BCL2L13: variants seen among roughly 807,000 people sequenced by gnomAD.
The protein encoded by BCL2L13 is BCL2 like 13.
In BCL2L13, 13 loss-of-function variants were observed where a neutral mutation model predicts 25.8. That is an observed-to-expected ratio of 0.50 (90% confidence interval 0.33 to 0.80). The LOEUF is 0.80. Ranked by LOEUF, BCL2L13 falls within the 30% of genes least tolerant of loss-of-function variation. The pLI, the probability that BCL2L13 is intolerant of heterozygous loss-of-function variation, is 0.02. For synonymous variants in BCL2L13, 244 were observed against 230.3 expected (o/e 1.06, Z -0.54); for missense variants, 504 against 574.9 (o/e 0.88, Z 1.26).
rs2059047690 is a variant in BCL2L13 at position 17,660,988 on chromosome 22, A to C, written c.121+5156A>C. On this transcript the variant is annotated intron_variant, in intron 2 of 6. Coordinates refer to ENST00000317582, the MANE Select transcript of BCL2L13 (RefSeq NM_015367.4). ...GAGACGGGGCTTCACCATGTTGCCC[A>C]GGCTGGTCTTGAACTCCTGAGCTCA... is the stretch of plus-strand genomic sequence containing the variant. Among the ~76,000 whole-genome samples the C allele has an allele frequency of 1.4e-5, 2 of 144,706 alleles. 1 individual carries two copies. 94.9% of individuals were successfully genotyped at this position (144,706 alleles called of 152,430 possible).
At chr22:17,696,324 CAAATCTA>C in intron 5 of BCL2L13, 114 bp downstream of exon 5, 1 of 877,348 alleles carries the variant, frequency 1.1e-6, no homozygotes, top group Non-Finnish European at 1.8e-6. Context: ...CTTTAATGCA[CAAATCTA>C]TGTTAAGGGG....
chr22:17,700,923 C>T (rs958528915), intron 5 of BCL2L13, among the ~76,000 whole-genome samples: 1 of 152,162 alleles, frequency 6.6e-6, no homozygotes, highest in African/African-American at 2.4e-5. Flanking sequence ...TGTCCTCCTG[C>T]AGAAGTATTT....
chr22:17,641,804 T>G (rs927858306), intron 1 of BCL2L13, among the ~76,000 whole-genome samples: 109 of 150,764 alleles, frequency 7.2e-4, no homozygotes, highest in Admixed American at 5.3e-4. Flanking sequence ...ATGTGTTTTT[T>G]TTTTTTTTTT....
At chr22:17,693,406 G>GTC (rs1306185335) in intron 4 of BCL2L13, among the ~76,000 whole-genome samples, 5 of 122,598 alleles carry the variant, frequency 4.1e-5, no homozygotes, top group African/African-American at 1.3e-4. Context: ...TGGAGACGGA[G>GTC]TCTCGCTCTG....
At chr22:17,654,869 G>T (rs1291720001) in intron 1 of BCL2L13, among the ~76,000 whole-genome samples, 1 of 151,824 alleles carries the variant, frequency 6.6e-6, no homozygotes. Flanking sequence ...CCATAGGCAG[G>T]CCCTACCACG....
rs2059810551 is a variant in BCL2L13 at position 17,683,287 on chromosome 22, A to C, written c.195A>C (p.Glu65Asp). 10 of 1,590,508 alleles carry C rather than the reference A, an allele frequency of 6.3e-6. No homozygotes were observed. Among genetic ancestry groups the C allele is most frequent in the Non-Finnish European group, 8.6e-6 (10 of 1,164,264 alleles). Reference protein sequence around the residue: ...ILLKVKTEIEEELKSLDKEIS... With the variant: ...ILLKVKTEIEDELKSLDKEIS... ...TAAAAGTTAAAACTGAAATTGAAGA[A>C]GAGCTAAAATCTCTGGACAAAGAAA... is the stretch of plus-strand genomic sequence containing the variant. The change falls in exon 3 of 7, where the codon GAA becomes GAC. Residue 65 changes from glutamate to aspartate, a missense_variant. Coordinates refer to ENST00000317582, the MANE Select transcript of BCL2L13 (RefSeq NM_015367.4).
intron 3 of BCL2L13, chr22:17,684,821 C>T (rs1012992022): frequency 5.9e-6 from 2 of 338,844 alleles, no homozygotes; most frequent in Non-Finnish European, 1.2e-5. Flanking sequence ...CAAGCTCCGC[C>T]TCCTGGGTTC....
In BCL2L13 at chr22:17,648,657, A is replaced by T. The variant is rs140892326; in HGVS notation, c.-50-7005A>T. The stretch of plus-strand genomic sequence containing the variant: ...GAAAACTGTATACTAGATTTAAATG[A>T]ATAAATATAATCCTTCACCAAATAT... On this transcript the variant is annotated intron_variant, in intron 1 of 6. Transcript: ENST00000317582. Among the ~76,000 whole-genome samples the T allele has an allele frequency of 2.8e-3, 432 of 152,310 alleles. 7 individuals are homozygous for T. The East Asian group carries it at 0.051, about 18-fold the overall frequency.
chr22:17,721,629 A>G (rs922537976), intron 6 of BCL2L13, among the ~76,000 whole-genome samples: 1 of 151,090 alleles, frequency 6.6e-6, no homozygotes, highest in Non-Finnish European at 1.5e-5. Context: ...GGTTCAAGCA[A>G]TTCTCCTGCC....
At chr22:17,688,885 AGCCT>A in intron 3 of BCL2L13, 97 bp from the exon 4 acceptor site, 2 of 1,182,866 alleles carry the variant, frequency 1.7e-6, no homozygotes, top group Admixed American at 5.3e-5. Flanking sequence ...CTCCTGCCTC[AGCCT>A]CCTGAGTAGC....
At chr22:17,636,901 AAAAT>A (rs2058117084), upstream of BCL2L13, among the ~76,000 whole-genome samples, 2 of 152,266 alleles carry the variant, frequency 1.3e-5, no homozygotes, top group Admixed American at 6.5e-5. Flanking sequence ...AGTACCTCCC[AAAAT>A]AAATTATTGC....
Position 17,696,139 on chromosome 22 carries a change from A to G in BCL2L13, c.387-2A>G. 6.2e-7 allele frequency: 1 copy of G among 1,612,780 alleles called. No individual in the cohort carries two copies. Among genetic ancestry groups the G allele is most frequent in the Non-Finnish European group, 8.5e-7 (1 of 1,178,830 alleles). On this transcript the variant is annotated splice_acceptor_variant, in intron 4 of 6. Coordinates refer to ENST00000317582, the MANE Select transcript of BCL2L13 (RefSeq NM_015367.4). LOFTEE classifies it high-confidence loss of function. Reference sequence around the variant, plus strand: ...CACAGACTTTTAAAAAAATCTCTACAGGCCAGTGACATATCAGGCATTTCG... The same window carrying G: ...CACAGACTTTTAAAAAAATCTCTACGGGCCAGTGACATATCAGGCATTTCG...
At position 17,681,812 on chromosome 22, in the gene BCL2L13, T is replaced by A. The variant is rs149247252; in HGVS notation, c.122-1402T>A. 4.5e-3 allele frequency among the ~76,000 whole-genome samples: 681 copies of A among 152,296 alleles called. 7 individuals are homozygous for A. Among genetic ancestry groups the A allele is most frequent in the African/African-American group, 0.015 (636 of 41,558 alleles). ...TAGGGCCCAGACCCTGAAAGTTGAC[T>A]GCCTGGGTTTGTATCTGAGCTCTGC... On this transcript the variant is annotated intron_variant, in intron 2 of 6. Coordinates refer to ENST00000317582, the MANE Select transcript of BCL2L13 (RefSeq NM_015367.4).
At chr22:17,687,157 C>T (rs548661013) in intron 3 of BCL2L13, among the ~76,000 whole-genome samples, 7 of 152,054 alleles carry the variant, frequency 4.6e-5, no homozygotes, top group Admixed American at 1.3e-4. Flanking sequence ...ATGCAGATGA[C>T]GGCTAAATCT....
At chr22:17,672,264 T>C (rs1314880714) in intron 2 of BCL2L13, among the ~76,000 whole-genome samples, 1 of 152,212 alleles carries the variant, frequency 6.6e-6, no homozygotes, top group Non-Finnish European at 1.5e-5. Flanking sequence ...GAATCTATAA[T>C]TTAATGTGTT....
chr22:17,677,242 A>G (rs1413534778), intron 2 of BCL2L13, among the ~76,000 whole-genome samples: 1 of 152,252 alleles, frequency 6.6e-6, no homozygotes, highest in Non-Finnish European at 1.5e-5. Context: ...TGTCGCTTAA[A>G]GCCATGTTAT....
chr22:17,650,763 A>G (rs1289903880), intron 1 of BCL2L13, among the ~76,000 whole-genome samples: 4 of 152,088 alleles, frequency 2.6e-5, no homozygotes, highest in Non-Finnish European at 5.9e-5. Flanking sequence ...GCTGGAGTGC[A>G]GTGGTGCAGT....
intron 1 of BCL2L13, among the ~76,000 whole-genome samples, chr22:17,647,522 G>T (rs902781719): frequency 1.3e-5 from 2 of 151,910 alleles, no homozygotes; most frequent in African/African-American, 4.8e-5. Flanking sequence ...ACCTTGTTTT[G>T]CTACCGTATC....
At chr22:17,705,440 G>A (rs2060563140) in intron 6 of BCL2L13, among the ~76,000 whole-genome samples, 1 of 151,524 alleles carries the variant, frequency 6.6e-6, no homozygotes, top group African/African-American at 2.4e-5. Context: ...TGGGACTACA[G>A]ATGGCTGCCA....
Sources: gnomAD v4.1 joint callset for allele counts (sites outside exome capture counted in the v4.1 genomes callset) on GRCh38, gnomAD v4.1.1 for gene constraint, MANE v1.5 for transcripts, NCBI Gene and HGNC (gene_info 2026-07-23, HGNC 2026-07-21) for gene names.